The following LRRC8D variants were observed in gnomAD, a reference collection of about 807,000 sequenced individuals.
The protein encoded by LRRC8D is volume-regulated anion channel subunit LRRC8D.
Under a neutral mutation model 55.8 loss-of-function variants are expected in LRRC8D, and 20 were observed. That is an observed-to-expected ratio of 0.36 (90% CI 0.25 to 0.52). LRRC8D has a LOEUF of 0.52. LRRC8D is among the 20% of genes least tolerant of loss of function. LRRC8D has a pLI of 0.93. For missense variants in LRRC8D, 651 were observed against 1,030.8 expected (o/e 0.63, Z 5.05); for synonymous variants, 352 against 377.0 (o/e 0.93, Z 0.77).
Position 89,915,819 on chromosome 1 carries a change from C to CCATTT in LRRC8D, c.-2-17247_-2-17243dup, listed in dbSNP as rs759986330. 6.2e-4 allele frequency among the ~76,000 whole-genome samples: 95 copies of CCATTT among 152,278 alleles called. No individual in the cohort carries two copies. The Middle Eastern group carries it at 0.02, about 33-fold the overall frequency. On this transcript the variant is annotated intron_variant, in intron 2 of 2. Coordinates refer to ENST00000337338, the MANE Select transcript of LRRC8D (RefSeq NM_001134479.2). ...AATTTTTCAAAAATGTTATCTTGGGCCATTTTTTGAGAGTTAAATAGATGT... is the reference window on the plus strand; with the variant it reads ...AATTTTTCAAAAATGTTATCTTGGGCCATTTCATTTTTTGAGAGTTAAATAGATGT...
chr1:89,874,819 A>G (rs1662109670), intron 2 of LRRC8D, among the ~76,000 whole-genome samples: 1 of 152,212 alleles, frequency 6.6e-6, no homozygotes, highest in Non-Finnish European at 1.5e-5. Context: ...AAATGTTAAG[A>G]AGTTGGTGGA....
intron 2 of LRRC8D, among the ~76,000 whole-genome samples, chr1:89,926,775 C>T (rs1456014163): frequency 3.9e-5 from 6 of 152,168 alleles, no homozygotes; most frequent in South Asian, 2.1e-4. Flanking sequence ...GCTTGCAAAC[C>T]GAAAAGCACT....
intron 2 of LRRC8D, among the ~76,000 whole-genome samples, chr1:89,896,121 T>G (rs951596510): frequency 6.6e-6 from 1 of 152,230 alleles, no homozygotes; most frequent in Non-Finnish European, 1.5e-5. Context: ...CTTAAGTGGC[T>G]TTGTATAAAT....
rs75651356 is a variant in LRRC8D at position 89,903,308 on chromosome 1, T to C, written c.-2-29759T>C. Among the ~76,000 whole-genome samples the C allele has an allele frequency of 3.9e-3, 594 of 152,346 alleles. 8 individuals are homozygous for C. The highest frequency in any genetic ancestry group is 0.03 in the East Asian group (153 of 5,182). The stretch of plus-strand genomic sequence containing the variant: ...AGTTTCTTTCTTTCACAGTGAAAGT[T>C]GTTTGAATTGTTAATGAGAGGAAAT... On this transcript the variant is annotated intron_variant, in intron 2 of 2. Transcript: ENST00000337338.
At chr1:89,838,432 T>C (rs912784491) in intron 1 of LRRC8D, among the ~76,000 whole-genome samples, 1 of 152,038 alleles carries the variant, frequency 6.6e-6, no homozygotes, top group African/African-American at 2.4e-5. Flanking sequence ...ATGTTTCAAA[T>C]AAGGAAGCAG....
At chr1:89,928,188 A>T (rs1663616034) in intron 2 of LRRC8D, among the ~76,000 whole-genome samples, 1 of 152,138 alleles carries the variant, frequency 6.6e-6, no homozygotes, top group African/African-American at 2.4e-5. Context: ...TTCCTGCCTC[A>T]GCCTCCTGAG....
intron 2 of LRRC8D, among the ~76,000 whole-genome samples, chr1:89,870,733 C>T (rs554139552): frequency 6.6e-6 from 1 of 152,282 alleles, no homozygotes; most frequent in African/African-American, 2.4e-5. Flanking sequence ...TCACAGCCAT[C>T]TAGTCCCAAC....
intron 2 of LRRC8D, among the ~76,000 whole-genome samples, chr1:89,901,733 A>G (rs756601151): frequency 1.1e-4 from 17 of 152,234 alleles, no homozygotes; most frequent in Non-Finnish European, 1.3e-4. Flanking sequence ...TTTGCTGCTT[A>G]AAGAAATAAA....
chr1:89,870,491 A>G (rs1249149647), intron 2 of LRRC8D, among the ~76,000 whole-genome samples: 1 of 152,048 alleles, frequency 6.6e-6, no homozygotes, highest in Non-Finnish European at 1.5e-5. Context: ...AAAAAAGAAG[A>G]AGATAGAAAC....
intron 2 of LRRC8D, among the ~76,000 whole-genome samples, chr1:89,874,186 A>G (rs1662092198): frequency 6.6e-6 from 1 of 152,226 alleles, no homozygotes; most frequent in Non-Finnish European, 1.5e-5. Flanking sequence ...TGAAAACATC[A>G]TAAAGGGAAA....
In LRRC8D at chr1:89,846,330, A is replaced by G. The variant is rs553502040; in HGVS notation, c.-3+2548A>G. Among the ~76,000 whole-genome samples, 426 of 128,530 alleles carry G rather than the reference A, an allele frequency of 3.3e-3. 2 individuals carry two copies. Among genetic ancestry groups the G allele is most frequent in the African/African-American group, 0.012 (410 of 34,082 alleles). The allele number at this position is 128,530 out of a possible 152,430, so 84.3% of individuals were successfully genotyped here. A position where few individuals can be genotyped will look rare whatever the true frequency, so the allele number is the denominator to read the frequency against. On this transcript the variant is annotated intron_variant, in intron 2 of 2. Transcript: ENST00000337338. ...ATGATGTATTTTTTTTTTTTTTTTT[A>G]CTCCTTTCAACAGAGCTAAACTCTT...
At chr1:89,885,693 C>T (rs1662401365) in intron 2 of LRRC8D, among the ~76,000 whole-genome samples, 1 of 152,210 alleles carries the variant, frequency 6.6e-6, no homozygotes. Context: ...CTGGTGTTTA[C>T]TGTCTTCCTT....
chr1:89,863,779 T>G (rs2100802473), intron 2 of LRRC8D, among the ~76,000 whole-genome samples: 1 of 152,302 alleles, frequency 6.6e-6, no homozygotes, highest in African/African-American at 2.4e-5. Context: ...TCTGACCCTT[T>G]GAGATTTTAA....
intron 2 of LRRC8D, among the ~76,000 whole-genome samples, chr1:89,927,604 A>G (rs1663600411): frequency 6.6e-6 from 1 of 152,236 alleles, no homozygotes; most frequent in African/African-American, 2.4e-5. Context: ...GCTCAATTTT[A>G]GTAGATAATA....
chr1:89,885,315 A>G lies in LRRC8D; in HGVS notation c.-3+41533A>G, dbSNP rs1662392603. Among the ~76,000 whole-genome samples, 2 of 152,210 alleles carry G rather than the reference A, an allele frequency of 1.3e-5. 1 individual carries two copies. The highest frequency in any genetic ancestry group is 4.1e-4 in the South Asian group (2 of 4,834). ...GTGATCTTCCTGCCTAAAATGCTGCATATAGCATTGTTTATAAAGTATGGA... is the reference window on the plus strand; with the variant it reads ...GTGATCTTCCTGCCTAAAATGCTGCGTATAGCATTGTTTATAAAGTATGGA... On this transcript the variant is annotated intron_variant, in intron 2 of 2. Transcript: ENST00000337338.
intron 2 of LRRC8D, among the ~76,000 whole-genome samples, chr1:89,844,267 C>G (rs915197429): frequency 1.1e-4 from 16 of 152,128 alleles, no homozygotes; most frequent in African/African-American, 3.9e-4. Context: ...GTAAGGTGGA[C>G]AGGAGAAAAG....
At chr1:89,871,788 G>A (rs1662012557) in intron 2 of LRRC8D, among the ~76,000 whole-genome samples, 1 of 152,172 alleles carries the variant, frequency 6.6e-6, no homozygotes. Context: ...ATGGTGAATG[G>A]ATTTATTTCA....
At chr1:89,857,785 G>A (rs553920410) in intron 2 of LRRC8D, among the ~76,000 whole-genome samples, 3 of 152,312 alleles carry the variant, frequency 2.0e-5, no homozygotes, top group African/African-American at 7.2e-5. Context: ...CTACCCTGTG[G>A]TTTGACATAA....
At chr1:89,828,178 A>G (rs1019973818) in intron 1 of LRRC8D, among the ~76,000 whole-genome samples, 57 of 152,358 alleles carry the variant, frequency 3.7e-4, no homozygotes, top group Non-Finnish European at 6.2e-4. Flanking sequence ...TATTAAGACA[A>G]AAGAGAAGCT....
Sources: allele counts gnomAD v4.1 joint callset (sites outside exome capture counted in the v4.1 genomes callset), GRCh38; gene constraint gnomAD v4.1.1; transcripts MANE v1.5; gene names NCBI Gene and HGNC (gene_info 2026-07-23, HGNC 2026-07-21).